Variants in MCPH1 observed in about 807,000 individuals in gnomAD.
The protein encoded by MCPH1 is microcephalin.
In MCPH1, 104 loss-of-function variants were observed where a neutral mutation model predicts 84.5. That is an observed-to-expected ratio of 1.23 (90% CI 1.05 to 1.45). The LOEUF (loss-of-function observed/expected upper bound fraction) is 1.45, where lower values mean the gene tolerates loss of function less well. Among genes scored for constraint, MCPH1 ranks in the 40% most tolerant of loss-of-function variants. The pLI is 0.00. For synonymous variants in MCPH1, 514 were observed against 366.8 expected (o/e 1.40, Z -4.58); for missense variants, 1,498 against 1,005.7 (o/e 1.49, Z -6.62).
chr8:6,484,185 A>G (rs182561191), intron 11 of MCPH1, among the ~76,000 whole-genome samples: 160 of 152,372 alleles, frequency 1.1e-3, no homozygotes, highest in Non-Finnish European at 1.8e-3. Context: ...TCTGGAATAT[A>G]TAAAGAACTC....
At chr8:6,448,322 A>G (rs1804679514) in intron 8 of MCPH1, among the ~76,000 whole-genome samples, 1 of 152,208 alleles carries the variant, frequency 6.6e-6, no homozygotes, top group Admixed American at 6.5e-5. Context: ...AAATGTCCTG[A>G]TGGAGGAAAA....
intron 12 of MCPH1, among the ~76,000 whole-genome samples, chr8:6,564,480 A>G (rs1002127359): frequency 3.3e-5 from 5 of 152,194 alleles, no homozygotes; most frequent in African/African-American, 1.2e-4. Flanking sequence ...AAGTTCTGCA[A>G]GTCACTTCCT....
At chr8:6,468,940 G>A (rs1342952181) in intron 9 of MCPH1, among the ~76,000 whole-genome samples, 1 of 152,130 alleles carries the variant, frequency 6.6e-6, no homozygotes, top group Non-Finnish European at 1.5e-5. Context: ...TGTAATCCCA[G>A]CAATTTGGGA....
At chr8:6,491,353 G>A (rs544699517) in intron 11 of MCPH1, among the ~76,000 whole-genome samples, 1 of 147,698 alleles carries the variant, frequency 6.8e-6, no homozygotes, top group Non-Finnish European at 1.5e-5. Context: ...TCGATAAACA[G>A]AAGTAGAGTC....
At chr8:6,543,041 C>G (rs1821895333) in intron 12 of MCPH1, among the ~76,000 whole-genome samples, 1 of 152,156 alleles carries the variant, frequency 6.6e-6, no homozygotes, top group African/African-American at 2.4e-5. Flanking sequence ...CTTGAGAAAT[C>G]TCACAGCAGG....
chr8:6,429,278 C>T (rs1368694739), intron 3 of MCPH1, among the ~76,000 whole-genome samples: 1 of 152,150 alleles, frequency 6.6e-6, no homozygotes, highest in African/African-American at 2.4e-5. Flanking sequence ...TCTCAGGCTC[C>T]ACTTATGTGA....
chr8:6,440,470 C>A (rs1803344156), intron 6 of MCPH1, among the ~76,000 whole-genome samples: 1 of 152,230 alleles, frequency 6.6e-6, no homozygotes, highest in Admixed American at 6.5e-5. Flanking sequence ...TCAAGTACTT[C>A]TGCCTCACCC....
intron 6 of MCPH1, among the ~76,000 whole-genome samples, chr8:6,441,493 T>G (rs1803503816): frequency 6.6e-6 from 1 of 152,226 alleles, no homozygotes; most frequent in East Asian, 1.9e-4. Context: ...GTTTCTTGAC[T>G]ATTGTATGAA....
intron 12 of MCPH1, among the ~76,000 whole-genome samples, chr8:6,613,910 C>T (rs534542161): frequency 6.6e-6 from 1 of 152,236 alleles, no homozygotes; most frequent in Admixed American, 6.5e-5. Context: ...ACTTCCCCAT[C>T]TGAAGACCTT....
At chr8:6,612,016 G>T (rs933922320) in intron 12 of MCPH1, among the ~76,000 whole-genome samples, 2 of 152,172 alleles carry the variant, frequency 1.3e-5, no homozygotes, top group Non-Finnish European at 2.9e-5. Flanking sequence ...GGGGCTGAAA[G>T]TTTCAACCCT....
At chr8:6,509,101 T>C in intron 12 of MCPH1, 1 of 1,597,912 alleles carries the variant, frequency 6.3e-7, no homozygotes, top group Non-Finnish European at 8.5e-7. Flanking sequence ...TTGGCTAGGG[T>C]CATTGATTTA....
intron 12 of MCPH1, among the ~76,000 whole-genome samples, chr8:6,569,865 G>T (rs867962274): frequency 2.0e-5 from 3 of 152,110 alleles, no homozygotes; most frequent in African/African-American, 7.2e-5. Flanking sequence ...GACTCTTAGC[G>T]GCCTTCAGTT....
chr8:6,512,591 T>C (rs1466880787), intron 12 of MCPH1, among the ~76,000 whole-genome samples: 1 of 152,230 alleles, frequency 6.6e-6, no homozygotes, highest in Non-Finnish European at 1.5e-5. Flanking sequence ...GTCTCACTTC[T>C]CTGCCCCTCC....
rs1438129013 is a variant in MCPH1 at position 6,645,579 on chromosome 8, C to CACTATGTATAGAAATTG, written c.*2531_*2547dup. On this transcript the variant is annotated 3_prime_UTR_variant, in exon 14 of 14. Coordinates refer to ENST00000344683, the MANE Select transcript of MCPH1 (RefSeq NM_024596.5). ...AGTCTTTATTCTCAAGAATACAAGA[C>CACTATGTATAGAAATTG]ACTATGTATAGAAATTGTAAGGAAT... The CACTATGTATAGAAATTG allele has an allele frequency of 3.0e-5, 3 of 99,052 alleles. No homozygotes were observed. The East Asian group carries it at 9.5e-4, about 31-fold the overall frequency. The allele number at this position is 99,052 out of a possible 1,614,324, so 6.1% of individuals were successfully genotyped here. A position where few individuals can be genotyped will look rare whatever the true frequency, so the allele number is the denominator to read the frequency against.
chr8:6,644,412 T>C lies in MCPH1; in HGVS notation c.*1363T>C, dbSNP rs1415647713. 6.6e-6 allele frequency: 1 copy of C among 152,176 alleles called. No homozygotes were observed. Among genetic ancestry groups the C allele is most frequent in the East Asian group, 1.9e-4 (1 of 5,202 alleles). The allele number at this position is 152,176 out of a possible 1,614,324, so 9.4% of individuals were successfully genotyped here. ...GGAAAAGAAGTCAAACTGTCTCTCT[T>C]CACTGCCGATATGATTCTATACCTA... is the stretch of plus-strand genomic sequence containing the variant. On this transcript the variant is annotated 3_prime_UTR_variant, in exon 14 of 14. Transcript: ENST00000344683.
intron 10 of MCPH1, among the ~76,000 whole-genome samples, chr8:6,477,834 T>A (rs1461950031): frequency 1.3e-5 from 2 of 152,234 alleles, no homozygotes; most frequent in African/African-American, 4.8e-5. Context: ...CTGGGGTTGT[T>A]TAGGCAGCAT....
Position 6,444,872 on chromosome 8 carries a change from A to C in MCPH1, c.1150A>C (p.Arg384=), listed in dbSNP as rs1487718446. 1 of 1,614,062 alleles carries C rather than the reference A, an allele frequency of 6.2e-7. No individual in the cohort carries two copies. The highest frequency in any genetic ancestry group is 1.3e-5 in the African/African-American group (1 of 74,936). Residue 384 remains arginine, a synonymous_variant, in exon 8 of 14, where the codon AGG becomes CGG. Transcript: ENST00000344683. ...GAGCACCAGGAGATCTATCATGCCG[A>C]GGCTGCAGCTGTGCAGGTCGGAAGA... ...KRSTRRSIMP[R]LQLCRSEDRL...
At chr8:6,595,114 C>G (rs1297443038) in intron 12 of MCPH1, among the ~76,000 whole-genome samples, 1 of 152,150 alleles carries the variant, frequency 6.6e-6, no homozygotes, top group Non-Finnish European at 1.5e-5. Context: ...AACCTCGCTC[C>G]CCTATCAGTA....
At chr8:6,550,387 G>C (rs1411763719) in intron 12 of MCPH1, among the ~76,000 whole-genome samples, 2 of 152,218 alleles carry the variant, frequency 1.3e-5, no homozygotes, top group African/African-American at 4.8e-5. Context: ...GCTGCACCCA[G>C]ACACGTGCGG....
Sources: gnomAD v4.1 joint callset for allele counts (sites outside exome capture counted in the v4.1 genomes callset) on GRCh38, gnomAD v4.1.1 for gene constraint, MANE v1.5 for transcripts, NCBI Gene and HGNC (gene_info 2026-07-23, HGNC 2026-07-21) for gene names.